Variants in CUX2 observed in about 807,000 individuals in gnomAD.
CUX2 encodes the protein homeobox protein cut-like 2.
In CUX2, 40 loss-of-function variants were observed where a neutral mutation model predicts 144.8. The ratio of observed to expected loss-of-function variants is 0.28; its 90% CI spans 0.21 to 0.36. The LOEUF (loss-of-function observed/expected upper bound fraction) is 0.36, where lower values mean the gene tolerates loss of function less well. CUX2 is among the 10% of genes least tolerant of loss of function. The pLI is 1.00. For synonymous variants in CUX2, 827 were observed against 875.6 expected, an observed-to-expected ratio of 0.94 and a Z score of 0.98; for missense variants, 1,615 against 1,994.0, an observed-to-expected ratio of 0.81 and a Z score of 3.62.
chr12:111,063,957 A>G (rs1207982906), intron 1 of CUX2, among the ~76,000 whole-genome samples: 1 of 152,174 alleles, frequency 6.6e-6, no homozygotes, highest in Non-Finnish European at 1.5e-5. Flanking sequence ...CTGGACATGC[A>G]CCCGGCAAGG....
At chr12:111,301,789 C>T (rs1817655337) in intron 9 of CUX2, among the ~76,000 whole-genome samples, 1 of 152,216 alleles carries the variant, frequency 6.6e-6, no homozygotes, top group Admixed American at 6.5e-5. Flanking sequence ...CCATGCCCAG[C>T]CCCAGCTAAT....
intron 3 of CUX2, among the ~76,000 whole-genome samples, chr12:111,256,841 A>G (rs1412259759): frequency 1.3e-5 from 2 of 152,090 alleles, no homozygotes; most frequent in South Asian, 2.1e-4. Flanking sequence ...GGGGATTTCA[A>G]AGAAGATGCC....
At chr12:111,216,138 C>T (rs1881515713) in intron 2 of CUX2, among the ~76,000 whole-genome samples, 1 of 152,210 alleles carries the variant, frequency 6.6e-6, no homozygotes. Flanking sequence ...AAATGGGCAG[C>T]ATTAGCACGA....
chr12:111,050,586 T>C (rs987764877), intron 1 of CUX2, among the ~76,000 whole-genome samples: 18 of 152,146 alleles, frequency 1.2e-4, no homozygotes, highest in African/African-American at 3.1e-4. Context: ...GGAGCTACCC[T>C]GATTACCTCC....
intron 1 of CUX2, among the ~76,000 whole-genome samples, chr12:111,179,098 T>C (rs956842124): frequency 1.3e-5 from 2 of 152,060 alleles, no homozygotes; most frequent in Non-Finnish European, 2.9e-5. Flanking sequence ...GACAGGGCAA[T>C]AGTGGGAGCC....
rs1403286201 is a variant in CUX2, at chr12:111,171,906, G to A, written c.64-42294G>A. ...ATTTCCCAATGGGCAGGCAGCATAT[G>A]CACTCTCTGTGTGTGCGTGTGCCTG... On this transcript the variant is annotated intron_variant, in intron 1 of 21. Coordinates refer to ENST00000261726, the MANE Select transcript of CUX2 (RefSeq NM_015267.4). This position sits in a 1 kb window ranked among gnomAD's most constrained non-coding sequence, Gnocchi z 5.0. Among the ~76,000 whole-genome samples the A allele has an allele frequency of 1.3e-5, 2 of 152,080 alleles. No individual in the cohort carries two copies. Among genetic ancestry groups the A allele is most frequent in the Non-Finnish European group, 2.9e-5 (2 of 68,046 alleles).
chr12:111,154,370 A>G (rs1311406864), intron 1 of CUX2, among the ~76,000 whole-genome samples: 1 of 152,100 alleles, frequency 6.6e-6, no homozygotes, highest in Non-Finnish European at 1.5e-5. Context: ...TCTGATTGTC[A>G]TGCAGTCCAC....
intron 1 of CUX2, among the ~76,000 whole-genome samples, chr12:111,184,792 G>A (rs370703573): frequency 3.3e-5 from 5 of 151,514 alleles, no homozygotes; most frequent in Admixed American, 1.3e-4. Context: ...GGCTGGGTGC[G>A]TTGGCTCATG....
intron 1 of CUX2, among the ~76,000 whole-genome samples, chr12:111,067,868 T>C (rs547621839): frequency 6.6e-6 from 1 of 152,252 alleles, no homozygotes; most frequent in Admixed American, 6.5e-5. Flanking sequence ...GAAGGAACAT[T>C]TGGGCAGTGA....
In CUX2 at chr12:111,190,167, T is replaced by C. The variant is rs990345117; in HGVS notation, c.64-24033T>C. ...TTCAGTCTCTGGCCCATTTTTCTAT[T>C]TGATCATCTCTTCCTTACTGAATTT... On this transcript the variant is annotated intron_variant, in intron 1 of 21. Coordinates refer to ENST00000261726, the MANE Select transcript of CUX2 (RefSeq NM_015267.4). The surrounding 1 kb of genome is among the most constrained non-coding windows in gnomAD (Gnocchi z 4.0). Among the ~76,000 whole-genome samples, 1 of 152,212 alleles carries C rather than the reference T, an allele frequency of 6.6e-6. No homozygotes were observed. Among genetic ancestry groups the C allele is most frequent in the Non-Finnish European group, 1.5e-5 (1 of 68,030 alleles).
intron 4 of CUX2, among the ~76,000 whole-genome samples, chr12:111,265,291 CTATTTTATTT>C (rs770725447): frequency 6.7e-6 from 1 of 149,594 alleles, no homozygotes; most frequent in South Asian, 2.1e-4. Flanking sequence ...AAAGCTTCCC[CTATTTTATTT>C]TATTTTATTT....
chr12:111,296,872 G>A (rs549329297), intron 8 of CUX2, among the ~76,000 whole-genome samples: 2 of 111,032 alleles, frequency 1.8e-5, no homozygotes, highest in African/African-American at 7.3e-5. Context: ...TCCCAGACAC[G>A]CCTCCACCCT....
chr12:111,049,547 A>C (rs1029861834), intron 1 of CUX2, among the ~76,000 whole-genome samples: 1 of 152,220 alleles, frequency 6.6e-6, no homozygotes, highest in Non-Finnish European at 1.5e-5. Flanking sequence ...ACAAGAGGGG[A>C]GACAAACACT....
chr12:111,331,297 G>A (rs1888111754), intron 18 of CUX2, among the ~76,000 whole-genome samples: 1 of 152,146 alleles, frequency 6.6e-6, no homozygotes, highest in African/African-American at 2.4e-5. Context: ...TGAAAGTAAA[G>A]CCGTTGCTCC....
At chr12:111,219,210 T>G (rs547773701) in intron 3 of CUX2, among the ~76,000 whole-genome samples, 7 of 152,352 alleles carry the variant, frequency 4.6e-5, no homozygotes, top group African/African-American at 1.7e-4. Flanking sequence ...CTGATTTCCA[T>G]ATTTTTCATC....
intron 18 of CUX2, among the ~76,000 whole-genome samples, chr12:111,328,639 G>A (rs904595382): frequency 1.4e-5 from 2 of 145,784 alleles, no homozygotes; most frequent in Admixed American, 7.1e-5. Context: ...TCACTCTGTC[G>A]CCCAGGCTGG....
chr12:111,081,680 C>A (rs1008551372), intron 1 of CUX2, among the ~76,000 whole-genome samples: 25 of 152,026 alleles, frequency 1.6e-4, no homozygotes, highest in African/African-American at 6.0e-4. Flanking sequence ...AGGAGGGGAC[C>A]CCAAAGAGAA....
At chr12:111,225,179 C>G (rs1240252390) in intron 3 of CUX2, among the ~76,000 whole-genome samples, 1 of 152,152 alleles carries the variant, frequency 6.6e-6, no homozygotes, top group African/African-American at 2.4e-5. Flanking sequence ...TGGGAGTCCT[C>G]AATGAGTTGA....
At chr12:111,203,654 G>A (rs1880748501) in intron 1 of CUX2, among the ~76,000 whole-genome samples, 1 of 152,158 alleles carries the variant, frequency 6.6e-6, no homozygotes. Flanking sequence ...AATCATATGG[G>A]ACCTTGACTC....
Sources: gnomAD v4.1 joint callset for allele counts (sites outside exome capture counted in the v4.1 genomes callset) on GRCh38, gnomAD v4.1.1 for gene constraint, Gnocchi (gnomAD v3.1) non-coding constraint, MANE v1.5 for transcripts, NCBI Gene and HGNC (gene_info 2026-07-23, HGNC 2026-07-21) for gene names.